The following ARMH1 variants were observed in gnomAD, a reference collection of about 807,000 sequenced individuals.
ARMH1 encodes armadillo-like helical domain containing protein 1.
Under a neutral mutation model 50.2 loss-of-function variants are expected in ARMH1, and 34 were observed. The observed-to-expected ratio is 0.68, with a 90% CI of 0.51 to 0.90. The LOEUF (loss-of-function observed/expected upper bound fraction) is 0.90. Among genes scored for constraint, ARMH1 ranks in the 40% least tolerant of loss-of-function variants. ARMH1 has a pLI of 0.00. For synonymous variants in ARMH1, 221 were observed against 224.2 expected (o/e 0.99, Z 0.13); for missense variants, 538 against 553.9 (o/e 0.97, Z 0.29).
At chr1:44,701,745 A>G (rs1252153570) in intron 5 of ARMH1, among the ~76,000 whole-genome samples, 1 of 152,060 alleles carries the variant, frequency 6.6e-6, no homozygotes, top group Non-Finnish European at 1.5e-5. Flanking sequence ...CCTGGCCAAC[A>G]TGATGAAACC....
chr1:44,691,770 T>A (rs60221705), intron 2 of ARMH1, among the ~76,000 whole-genome samples: 4,773 of 152,290 alleles, frequency 0.031, 261 homozygotes, highest in African/African-American at 0.11. Context: ...TCTTCACTCA[T>A]ATGCCACAAG....
In ARMH1 at chr1:44,698,108, C is replaced by A. The variant is rs1328367814; in HGVS notation, c.321C>A (p.Thr107=). ...TTCTTGAGGTTGGAGGTGTCCTAAC[C>A]CTCTTGGAAATACTTGGGCTAGAGA... ...IEFLEVGGVL[T]LLEILGLEKI... Residue 107 remains threonine (T), a synonymous_variant, in exon 4 of 12, where the codon ACC becomes ACA. Coordinates refer to ENST00000535358, the MANE Select transcript of ARMH1 (RefSeq NM_001145636.2). 1 of 1,552,094 alleles carries A rather than the reference C, an allele frequency of 6.4e-7. No individual in the cohort carries two copies. The highest frequency in any genetic ancestry group is 1.4e-5 in the African/African-American group (1 of 73,126).
At chr1:44,675,642 A>T (rs1573252638) in intron 1 of ARMH1, among the ~76,000 whole-genome samples, 1 of 152,244 alleles carries the variant, frequency 6.6e-6, no homozygotes, top group Non-Finnish European at 1.5e-5. Context: ...AGCCTGGGTG[A>T]CAGAGTGAGA....
At chr1:44,696,335 C>A (rs564605921) in intron 2 of ARMH1, among the ~76,000 whole-genome samples, 1 of 152,304 alleles carries the variant, frequency 6.6e-6, no homozygotes, top group East Asian at 1.9e-4. Flanking sequence ...CCTTTATCAG[C>A]CTTGGAAGCT....
Position 44,707,208 on chromosome 1 carries a change from G to A in ARMH1, c.724+3035G>A, listed in dbSNP as rs566322839. On this transcript the variant is annotated intron_variant, in intron 6 of 11. Transcript: ENST00000535358. ...CATGGCTTTTATCCTTATATCCTCA[G>A]CACAGTCCCCAGCATGTTAGGTCCT... 2.0e-5 allele frequency among the ~76,000 whole-genome samples: 3 copies of A among 151,902 alleles called. No homozygotes were observed. The East Asian group carries it at 5.8e-4, about 29-fold the overall frequency.
chr1:44,678,456 G>C (rs1395394661), intron 1 of ARMH1, among the ~76,000 whole-genome samples: 1 of 152,068 alleles, frequency 6.6e-6, no homozygotes, highest in Non-Finnish European at 1.5e-5. Context: ...CAGGGGTAGG[G>C]GTATCTGCCA....
At chr1:44,686,518 A>G (rs541713081) in intron 1 of ARMH1, among the ~76,000 whole-genome samples, 69 of 152,052 alleles carry the variant, frequency 4.5e-4, no homozygotes, top group Admixed American at 7.2e-4. Flanking sequence ...TCTACTAAAA[A>G]TATAAAAATT....
intron 5 of ARMH1, among the ~76,000 whole-genome samples, chr1:44,702,551 A>G (rs1573385721): frequency 2.0e-5 from 3 of 151,778 alleles, no homozygotes; most frequent in African/African-American, 7.3e-5. Flanking sequence ...GTCTCTACTA[A>G]AAATACAAAA....
At chr1:44,677,829 A>G (rs1645187122) in intron 1 of ARMH1, among the ~76,000 whole-genome samples, 1 of 152,194 alleles carries the variant, frequency 6.6e-6, no homozygotes. Context: ...GAGACAGCTA[A>G]ATGGTATGAC....
In ARMH1 at chr1:44,704,155, C is replaced by G; in HGVS notation, c.706C>G (p.Leu236Val). The G allele has an allele frequency of 1.3e-6, 2 of 1,551,280 alleles. No homozygotes were observed. The highest frequency in any genetic ancestry group is 1.7e-6 in the Non-Finnish European group (2 of 1,146,780). Residue 236 changes from leucine (L) to valine (V), a missense_variant, in exon 6 of 12, where the codon CTG becomes GTG. Leu to Val is a conservative substitution (Grantham distance 32). Coordinates refer to ENST00000535358, the MANE Select transcript of ARMH1 (RefSeq NM_001145636.2). ...CVLKVLGTMH[L>V]EVQYEAIELI... ...GCTGAAGGTGCTGGGCACGATGCAC[C>G]TGGAAGTCCAGTATGAAGGTAGGGA... is the stretch of plus-strand genomic sequence containing the variant.
chr1:44,708,967 A>C (rs1026014386), intron 6 of ARMH1, among the ~76,000 whole-genome samples: 1 of 152,208 alleles, frequency 6.6e-6, no homozygotes, highest in Admixed American at 6.5e-5. Context: ...CATTGTTAAA[A>C]GAGCCCCTCT....
chr1:44,690,095 G>A (rs1313609290), intron 2 of ARMH1, among the ~76,000 whole-genome samples, 192 bp downstream of exon 2: 1 of 152,120 alleles, frequency 6.6e-6, no homozygotes, highest in Non-Finnish European at 1.5e-5. Flanking sequence ...GCAGGTGCCT[G>A]TAACCCCAAC....
chr1:44,697,294 G>A (rs1203152012), intron 3 of ARMH1, 124 bp downstream of exon 3: 7 of 748,670 alleles, frequency 9.3e-6, no homozygotes, highest in Non-Finnish European at 1.6e-5. Flanking sequence ...TAGCTCTTGG[G>A]ATGGGCCCAG....
rs1646226274 is a variant in ARMH1 at position 44,704,088 on chromosome 1, G to A, written c.640-1G>A. ...CCTTGTCCTGTTGTCTGTCTGGTCAGCCAATCATTGGGACCACACACCCCA... is the reference window on the plus strand; with the variant it reads ...CCTTGTCCTGTTGTCTGTCTGGTCAACCAATCATTGGGACCACACACCCCA... On this transcript the variant is annotated splice_acceptor_variant, in intron 5 of 11. Transcript: ENST00000535358. LOFTEE classifies it high-confidence loss of function. 1.3e-6 allele frequency: 2 copies of A among 1,549,516 alleles called. No individual in the cohort carries two copies. Among genetic ancestry groups the A allele is most frequent in the South Asian group, 2.4e-5 (2 of 83,996 alleles).
rs1646225635 is a variant in ARMH1, at chr1:44,704,078, T to C, written c.640-11T>C. 1.3e-6 allele frequency: 2 copies of C among 1,548,590 alleles called. No homozygotes were observed. The highest frequency in any genetic ancestry group is 2.7e-5 in the African/African-American group (2 of 72,856). On this transcript the variant is annotated splice_polypyrimidine_tract_variant and intron_variant, in intron 5 of 11. Transcript: ENST00000535358. ...AGACTAACCACCTTGTCCTGTTGTC[T>C]GTCTGGTCAGCCAATCATTGGGACC...
intron 6 of ARMH1, among the ~76,000 whole-genome samples, chr1:44,721,627 G>A (rs116533950): frequency 2.0e-3 from 300 of 152,256 alleles, no homozygotes; most frequent in African/African-American, 6.5e-3. Flanking sequence ...GGCTTATGAG[G>A]CTGAGGTGGG....
chr1:44,712,466 C>T (rs1646654175), intron 6 of ARMH1, among the ~76,000 whole-genome samples: 1 of 143,982 alleles, frequency 6.9e-6, no homozygotes. Context: ...GAAACTCTGT[C>T]TCTACTAAAA....
chr1:44,704,224 GCTCTCAAAAGCTTT>G (rs1403432051), intron 6 of ARMH1, 51 bp downstream of exon 6: 12 of 1,332,684 alleles, frequency 9.0e-6, no homozygotes, highest in African/African-American at 1.5e-5. Flanking sequence ...AGACATATCA[GCTCTCAAAAGCTTT>G]CTCTTAGTCA....
intron 6 of ARMH1, among the ~76,000 whole-genome samples, chr1:44,706,518 T>G (rs574666596): frequency 6.6e-6 from 1 of 152,200 alleles, no homozygotes. Context: ...GCACTGAGGT[T>G]CACGTACGCA....
Sources: allele counts gnomAD v4.1 joint callset (sites outside exome capture counted in the v4.1 genomes callset), GRCh38; gene constraint gnomAD v4.1.1; transcripts MANE v1.5; gene names NCBI Gene and HGNC (gene_info 2026-07-23, HGNC 2026-07-21).